Variants in SEM1 observed in about 807,000 individuals in gnomAD.
SEM1 encodes 26S proteasome complex subunit SEM1.
In SEM1, 3 loss-of-function variants were observed where a neutral mutation model predicts 12.7. That is an observed-to-expected ratio of 0.24 (90% CI 0.11 to 0.61). The LOEUF (loss-of-function observed/expected upper bound fraction) is 0.61. Ranked by LOEUF, SEM1 falls within the 20% of genes least tolerant of loss-of-function variation. The pLI is 0.88. For synonymous variants in SEM1, 30 were observed against 27.8 expected, an observed-to-expected ratio of 1.08 and a Z score of -0.25; for missense variants, 59 against 81.3, an observed-to-expected ratio of 0.73 and a Z score of 1.06.
At chr7:96,547,535 G>C (rs756697568) in intron 2 of SEM1, among the ~76,000 whole-genome samples, 1 of 152,160 alleles carries the variant, frequency 6.6e-6, no homozygotes, top group African/African-American at 2.4e-5. Context: ...TTTGAACAGT[G>C]TCCAATGACA....
intron 1 of SEM1, among the ~76,000 whole-genome samples, chr7:96,490,084 A>T (rs1407838123): frequency 6.6e-6 from 1 of 152,052 alleles, no homozygotes; most frequent in South Asian, 2.1e-4. Context: ...TGTGTGTCCA[A>T]CTGCCTTGGA....
At chr7:96,570,840 T>A (rs971161403) in intron 2 of SEM1, among the ~76,000 whole-genome samples, 6 of 152,176 alleles carry the variant, frequency 3.9e-5, no homozygotes, top group Non-Finnish European at 8.8e-5. Context: ...TGTTCCCATT[T>A]CTCCACATCC....
chr7:96,557,146 G>A lies in SEM1; in HGVS notation c.171-50448C>T, dbSNP rs994108114. 5.3e-5 allele frequency among the ~76,000 whole-genome samples: 8 copies of A among 150,642 alleles called. No homozygotes were observed. The South Asian group carries it at 8.6e-4, about 16-fold the overall frequency. On this transcript the variant is annotated intron_variant and NMD_transcript_variant, in intron 2 of 3. Transcript: ENST00000466986. ...TTTCCTTTGGTTTGAACGTCCTCCCGTAGCTCAGAGTAATTTGATCGTCTG... is the reference window on the plus strand; with the variant it reads ...TTTCCTTTGGTTTGAACGTCCTCCCATAGCTCAGAGTAATTTGATCGTCTG...
downstream of SEM1, among the ~76,000 whole-genome samples, chr7:96,669,298 T>C (rs369857233): frequency 6.6e-6 from 1 of 152,204 alleles, no homozygotes; most frequent in Non-Finnish European, 1.5e-5. Context: ...GGACAGATGA[T>C]AGGCTTTGCA....
chr7:96,550,374 C>T (rs1162857234), intron 2 of SEM1, among the ~76,000 whole-genome samples: 2 of 152,128 alleles, frequency 1.3e-5, no homozygotes, highest in African/African-American at 4.8e-5. Flanking sequence ...ATGGCAAATG[C>T]AATTACCAAC....
At chr7:96,678,020 A>T (rs1340602594) in intron 2 of SEM1, among the ~76,000 whole-genome samples, 1 of 152,204 alleles carries the variant, frequency 6.6e-6, no homozygotes. Flanking sequence ...ACAATGCCTG[A>T]CGCTTGGTAG....
chr7:96,700,332 A>G (rs544093600), intron 1 of SEM1, among the ~76,000 whole-genome samples: 59 of 152,304 alleles, frequency 3.9e-4, no homozygotes, highest in Middle Eastern at 3.4e-3. Flanking sequence ...AACCAGACAA[A>G]GGATTAAGGA....
At chr7:96,691,812 T>C (rs1316343585) in intron 2 of SEM1, among the ~76,000 whole-genome samples, 1 of 152,230 alleles carries the variant, frequency 6.6e-6, no homozygotes, top group Non-Finnish European at 1.5e-5. Context: ...ATGTGCTTAG[T>C]AGCCAAATGT....
At chr7:96,588,831 A>T (rs920068973) in intron 2 of SEM1, among the ~76,000 whole-genome samples, 2 of 152,218 alleles carry the variant, frequency 1.3e-5, no homozygotes, top group African/African-American at 2.4e-5. Context: ...CATAGAATAA[A>T]TATTAGCACA....
chr7:96,648,258 T>A (rs1808865655), intron 2 of SEM1, among the ~76,000 whole-genome samples: 1 of 152,070 alleles, frequency 6.6e-6, no homozygotes, highest in South Asian at 2.1e-4. Context: ...AGGATATAGG[T>A]GGAGAAATTT....
intron 2 of SEM1, among the ~76,000 whole-genome samples, chr7:96,546,097 G>C (rs767682315): frequency 6.6e-6 from 1 of 152,024 alleles, no homozygotes; most frequent in Non-Finnish European, 1.5e-5. Context: ...CTTGGAGAGG[G>C]GGTTGCTTCT....
chr7:96,585,287 C>A (rs898821709), intron 2 of SEM1, among the ~76,000 whole-genome samples: 73 of 152,292 alleles, frequency 4.8e-4, no homozygotes, highest in African/African-American at 1.7e-3. Context: ...GCTCAGGGGT[C>A]AGGGGTCAGG....
At chr7:96,643,722 G>A (rs184095488) in intron 2 of SEM1, among the ~76,000 whole-genome samples, 144 of 152,070 alleles carry the variant, frequency 9.5e-4, no homozygotes, top group Middle Eastern at 3.4e-3. Context: ...ACCAAACACC[G>A]CATGTTCTCA....
intron 2 of SEM1, among the ~76,000 whole-genome samples, chr7:96,630,834 C>A (rs2116333600): frequency 6.6e-6 from 1 of 151,116 alleles, no homozygotes; most frequent in Non-Finnish European, 1.5e-5. Flanking sequence ...CCCAAGGACT[C>A]TTTAGTTAGG....
At chr7:96,525,186 A>G (rs73390925) in intron 2 of SEM1, among the ~76,000 whole-genome samples, 6 of 151,678 alleles carry the variant, frequency 4.0e-5, no homozygotes, top group Non-Finnish European at 5.9e-5. Flanking sequence ...CTGCGTGCCA[A>G]TCTCAGGCTC....
At chr7:96,658,511 TGAGA>T (rs139543092) in intron 2 of SEM1, among the ~76,000 whole-genome samples, 20,591 of 152,096 alleles carry the variant, frequency 0.14, 2,367 homozygotes, top group African/African-American at 0.32. Flanking sequence ...TAAGCTTCTC[TGAGA>T]AAGAGTGCAA....
intron 2 of SEM1, among the ~76,000 whole-genome samples, chr7:96,521,302 C>T (rs928446735): frequency 6.6e-6 from 1 of 152,024 alleles, no homozygotes; most frequent in African/African-American, 2.4e-5. Context: ...TCTGGCATAT[C>T]GTGTTAAGAT....
chr7:96,561,311 G>A (rs189746809), intron 2 of SEM1, among the ~76,000 whole-genome samples: 1 of 152,264 alleles, frequency 6.6e-6, no homozygotes, highest in African/African-American at 2.4e-5. Flanking sequence ...GGGTTGAAAT[G>A]CCACCTACTT....
intron 2 of SEM1, among the ~76,000 whole-genome samples, chr7:96,548,498 A>G (rs1035901476): frequency 7.2e-5 from 11 of 152,120 alleles, no homozygotes; most frequent in Admixed American, 1.3e-4. Flanking sequence ...CAGGAAATCT[A>G]TATGTATACT....
Sources: gnomAD v4.1 joint callset for allele counts (sites outside exome capture counted in the v4.1 genomes callset) on GRCh38, gnomAD v4.1.1 for gene constraint, MANE v1.5 for transcripts, NCBI Gene and HGNC (gene_info 2026-07-23, HGNC 2026-07-21) for gene names.